FAM204A: variants seen among roughly 807,000 people sequenced by gnomAD.
FAM204A encodes the protein family with sequence similarity 204 member A, also known as protein FAM204A.
FAM204A carries 16 observed loss-of-function variants against 35.4 expected under a neutral mutation model. That is an observed-to-expected ratio of 0.45 (90% CI 0.31 to 0.69). The LOEUF is 0.69. Among genes scored for constraint, FAM204A ranks in the 30% least tolerant of loss-of-function variants. The pLI is 0.07. For missense variants in FAM204A, 240 were observed against 265.7 expected (o/e 0.90, Z 0.67); for synonymous variants, 76 against 86.9 (o/e 0.88, Z 0.70).
intron 7 of FAM204A, among the ~76,000 whole-genome samples, chr10:118,311,781 T>C (rs1384912742): frequency 6.6e-6 from 1 of 152,136 alleles, no homozygotes; most frequent in East Asian, 1.9e-4. Flanking sequence ...TAATAAAACA[T>C]GGGAAAGCTA....
In FAM204A at chr10:118,299,296, A is replaced by G. The variant is rs1400460371; in HGVS notation, c.*11561T>C. Reference sequence around the variant, plus strand: ...TTTGAGCTGCCCTTCCTGTCAATCAATTACCAACCCTGCTTCTGTATTTTT... The same window carrying G: ...TTTGAGCTGCCCTTCCTGTCAATCAGTTACCAACCCTGCTTCTGTATTTTT... On this transcript the variant is annotated 3_prime_UTR_variant, in exon 9 of 9. Coordinates refer to ENST00000369183, the MANE Select transcript of FAM204A (RefSeq NM_022063.3). 6.7e-6 allele frequency: 1 copy of G among 148,532 alleles called. No homozygotes were observed. The allele number at this position is 148,532 out of a possible 1,614,324, so 9.2% of individuals were successfully genotyped here. A position where few individuals can be genotyped will look rare whatever the true frequency, so the allele number is the denominator to read the frequency against.
intron 6 of FAM204A, among the ~76,000 whole-genome samples, chr10:118,333,265 A>G (rs192044050): frequency 1.3e-5 from 2 of 152,336 alleles, no homozygotes; most frequent in African/African-American, 4.8e-5. Context: ...ATACAAAATA[A>G]AAAGGTTCTC....
At chr10:118,342,024 A>AC (rs1846492825) in intron 1 of FAM204A, 97 bp from the exon 2 acceptor site, 2 of 152,064 alleles carry the variant, frequency 1.3e-5, no homozygotes, top group Admixed American at 1.3e-4. Flanking sequence ...GGGACGGAGA[A>AC]CCCCCTCCAC....
At chr10:118,311,940 C>A (rs1227586707) in intron 7 of FAM204A, among the ~76,000 whole-genome samples, 1 of 152,088 alleles carries the variant, frequency 6.6e-6, no homozygotes, top group African/African-American at 2.4e-5. Context: ...TCTATGTGTG[C>A]CCCCCTTACA....
chr10:118,316,529 A>G (rs1589721005), intron 7 of FAM204A, among the ~76,000 whole-genome samples: 1 of 152,140 alleles, frequency 6.6e-6, no homozygotes, highest in East Asian at 1.9e-4. Flanking sequence ...TCATCTTAAA[A>G]TGTGCATGCA....
chr10:118,324,465 C>T (rs992112662), intron 7 of FAM204A, among the ~76,000 whole-genome samples: 4 of 152,074 alleles, frequency 2.6e-5, no homozygotes, highest in African/African-American at 7.2e-5. Context: ...CAATACAAAC[C>T]CAGAATGTAA....
chr10:118,340,154 CAT>C (rs1238581850), intron 2 of FAM204A, among the ~76,000 whole-genome samples: 1 of 152,278 alleles, frequency 6.6e-6, no homozygotes, highest in East Asian at 1.9e-4. Flanking sequence ...CTATTTTTCA[CAT>C]GTTAATCAGA....
intron 7 of FAM204A, among the ~76,000 whole-genome samples, chr10:118,319,729 G>A (rs1484965812): frequency 1.3e-5 from 2 of 151,852 alleles, no homozygotes; most frequent in Non-Finnish European, 2.9e-5. Context: ...AAAGATGGCA[G>A]CGCATTATAA....
At chr10:118,328,353 G>A (rs1460590630) in intron 6 of FAM204A, among the ~76,000 whole-genome samples, 1 of 152,108 alleles carries the variant, frequency 6.6e-6, no homozygotes, top group Non-Finnish European at 1.5e-5. Context: ...CTAAGCCAGT[G>A]GTTCTCAAAG....
intron 7 of FAM204A, among the ~76,000 whole-genome samples, chr10:118,319,576 T>C (rs1589722440): frequency 6.6e-6 from 1 of 152,140 alleles, no homozygotes; most frequent in East Asian, 1.9e-4. Context: ...ACCGTGGTTA[T>C]ATTCTCAATA....
intron 6 of FAM204A, among the ~76,000 whole-genome samples, chr10:118,331,927 G>A (rs12355766): frequency 6.7e-6 from 1 of 149,590 alleles, no homozygotes; most frequent in Non-Finnish European, 1.5e-5. Flanking sequence ...TATAATTCCA[G>A]CACTTTGGGA....
Position 118,298,389 on chromosome 10 carries a change from C to G in FAM204A, c.*12468G>C, listed in dbSNP as rs1379269639. On this transcript the variant is annotated 3_prime_UTR_variant, in exon 9 of 9. Transcript: ENST00000369183. Reference sequence around the variant, plus strand: ...AAAAGTCATTAGGTATGTTTAAAATCCGAATGCGATGTGTATCTGAATAAA... The same window carrying G: ...AAAAGTCATTAGGTATGTTTAAAATGCGAATGCGATGTGTATCTGAATAAA... 4 of 152,226 alleles carry G rather than the reference C, an allele frequency of 2.6e-5. No individual in the cohort carries two copies. The highest frequency in any genetic ancestry group is 2.1e-4 in the South Asian group (1 of 4,828). The allele number at this position is 152,226 out of a possible 1,614,324, so 9.4% of individuals were successfully genotyped here.
At chr10:118,335,253 C>T (rs1311628908) in intron 5 of FAM204A, 40 bp from the exon 6 acceptor site, 2 of 1,575,362 alleles carry the variant, frequency 1.3e-6, no homozygotes, top group Non-Finnish European at 1.7e-6. Flanking sequence ...ACAATATATA[C>T]TGTCTTTACT....
intron 7 of FAM204A, among the ~76,000 whole-genome samples, chr10:118,325,170 A>G (rs1000827708): frequency 3.9e-5 from 6 of 152,200 alleles, no homozygotes; most frequent in African/African-American, 1.4e-4. Context: ...TGCAGCCAAA[A>G]AGAAAAAGAC....
intron 7 of FAM204A, among the ~76,000 whole-genome samples, chr10:118,324,854 A>T (rs1199022531): frequency 6.6e-6 from 1 of 152,192 alleles, no homozygotes; most frequent in Non-Finnish European, 1.5e-5. Context: ...TACATTTTAC[A>T]ATTTAAAAAC....
Position 118,307,249 on chromosome 10 carries a change from T to C in FAM204A, c.*3608A>G, listed in dbSNP as rs1028806552. 13 of 152,328 alleles carry C rather than the reference T, an allele frequency of 8.5e-5. No homozygotes were observed. The South Asian group carries it at 1.0e-3, about 12-fold the overall frequency. 9.4% of individuals were successfully genotyped at this position (152,328 alleles called of 1,614,324 possible). On this transcript the variant is annotated 3_prime_UTR_variant, in exon 9 of 9. Coordinates refer to ENST00000369183, the MANE Select transcript of FAM204A (RefSeq NM_022063.3). ...AAGGCACTGATGTCACAAATACCAG[T>C]CTACATTTGGTTCTGGAAAAAGATT...
rs1003169757 is a variant in FAM204A at position 118,309,970 on chromosome 10, T to A, written c.*887A>T. The A allele has an allele frequency of 5.3e-5, 8 of 152,100 alleles. 1 individual carries two copies. Among genetic ancestry groups the A allele is most frequent in the Admixed American group, 4.6e-4 (7 of 15,262 alleles). 9.4% of individuals were successfully genotyped at this position (152,100 alleles called of 1,614,324 possible). ...TAGTTTATCTGAAAGTACACAAAAA[T>A]TAACAAATTGCTTTTACTATGCAAC... On this transcript the variant is annotated 3_prime_UTR_variant, in exon 9 of 9. Coordinates refer to ENST00000369183, the MANE Select transcript of FAM204A (RefSeq NM_022063.3).
Position 118,310,488 on chromosome 10 carries a change from CAAAA to C in FAM204A, c.*365_*368del, listed in dbSNP as rs778043354. 1.9e-3 allele frequency: 150 copies of C among 80,858 alleles called. No individual in the cohort carries two copies. The highest frequency in any genetic ancestry group is 4.2e-3 in the South Asian group (18 of 4,294). 5.0% of individuals were successfully genotyped at this position (80,858 alleles called of 1,614,324 possible). Reference sequence around the variant, plus strand: ...TGACAGAGCAAGCGAGGCTCTGTCTCAAAAAAAAAAAAAAAAAGAAAGAAAGTAC... The same window carrying C: ...TGACAGAGCAAGCGAGGCTCTGTCTCAAAAAAAAAAAAAGAAAGAAAGTAC... On this transcript the variant is annotated 3_prime_UTR_variant, in exon 9 of 9. Transcript: ENST00000369183.
chr10:118,299,915 A>G lies in FAM204A; in HGVS notation c.*10942T>C, dbSNP rs1472853436. On this transcript the variant is annotated 3_prime_UTR_variant, in exon 9 of 9. Coordinates refer to ENST00000369183, the MANE Select transcript of FAM204A (RefSeq NM_022063.3). ...ACAATTCTGCTATCAATAGGAATCT[A>G]AAATACTTGAATTGCTTTAATCCTT... 3 of 152,256 alleles carry G rather than the reference A, an allele frequency of 2.0e-5. No individual in the cohort carries two copies. Among genetic ancestry groups the G allele is most frequent in the Admixed American group, 6.5e-5 (1 of 15,290 alleles). The allele number at this position is 152,256 out of a possible 1,614,324, so 9.4% of individuals were successfully genotyped here.
Sources: allele counts gnomAD v4.1 joint callset (sites outside exome capture counted in the v4.1 genomes callset), GRCh38; gene constraint gnomAD v4.1.1; transcripts MANE v1.5; gene names NCBI Gene and HGNC (gene_info 2026-07-23, HGNC 2026-07-21).